ZNF804B: variants seen among roughly 807,000 people sequenced by gnomAD.
ZNF804B encodes the protein zinc finger 804B.
In ZNF804B, 80 loss-of-function variants were observed where a neutral mutation model predicts 101.4. The observed-to-expected ratio is 0.79, with a 90% confidence interval of 0.66 to 0.95. The LOEUF is 0.95. Among genes scored for constraint, ZNF804B ranks in the 40% least tolerant of loss-of-function variants. ZNF804B has a pLI of 0.00. For synonymous variants in ZNF804B, 622 were observed against 558.8 expected, an observed-to-expected ratio of 1.11 and a Z score of -1.59; for missense variants, 1,673 against 1,561.9, an observed-to-expected ratio of 1.07 and a Z score of -1.20.
intron 1 of ZNF804B, among the ~76,000 whole-genome samples, chr7:88,800,690 A>ATT (rs1790564307): frequency 1.0e-5 from 1 of 96,812 alleles, no homozygotes; most frequent in African/African-American, 4.4e-5. Flanking sequence ...AATAGATATG[A>ATT]TTTGTGTGTG....
At chr7:88,914,312 G>A (rs963177935) in intron 1 of ZNF804B, among the ~76,000 whole-genome samples, 4 of 152,100 alleles carry the variant, frequency 2.6e-5, no homozygotes, top group African/African-American at 9.7e-5. Flanking sequence ...TTAAGTTGCC[G>A]ATAGGGTCCA....
chr7:88,848,023 A>G (rs1450506363), intron 1 of ZNF804B, among the ~76,000 whole-genome samples: 4 of 152,302 alleles, frequency 2.6e-5, no homozygotes, highest in Admixed American at 6.5e-5. Context: ...ATGGTTTCCA[A>G]TCAGAAGTGA....
chr7:88,992,002 T>C (rs1411185624), intron 1 of ZNF804B, among the ~76,000 whole-genome samples: 1 of 152,162 alleles, frequency 6.6e-6, no homozygotes, highest in Non-Finnish European at 1.5e-5. Context: ...TCCACAATTC[T>C]CAGGTATCAT....
intron 1 of ZNF804B, among the ~76,000 whole-genome samples, chr7:89,003,332 C>A (rs952639178): frequency 6.6e-6 from 1 of 151,872 alleles, no homozygotes; most frequent in Non-Finnish European, 1.5e-5. Context: ...CAGAATAATA[C>A]ATTTAGTTGT....
At chr7:88,824,946 A>T (rs757466971) in intron 1 of ZNF804B, among the ~76,000 whole-genome samples, 1 of 152,318 alleles carries the variant, frequency 6.6e-6, no homozygotes, top group Non-Finnish European at 1.5e-5. Context: ...AATCTTAATC[A>T]TGTATAGCTA....
At chr7:88,970,288 C>T (rs1469142223) in intron 1 of ZNF804B, among the ~76,000 whole-genome samples, 3 of 151,452 alleles carry the variant, frequency 2.0e-5, no homozygotes, top group South Asian at 2.1e-4. Context: ...TTGCTGCACC[C>T]ATCAACCCAT....
intron 1 of ZNF804B, among the ~76,000 whole-genome samples, chr7:89,023,018 C>T (rs971168327): frequency 1.3e-5 from 2 of 152,074 alleles, no homozygotes. Flanking sequence ...TTAGCCTGAC[C>T]CATACTTCTG....
chr7:89,031,952 ATAT>A (rs1788842541), intron 1 of ZNF804B, among the ~76,000 whole-genome samples: 1 of 132,014 alleles, frequency 7.6e-6, no homozygotes, highest in Non-Finnish European at 1.7e-5. Flanking sequence ...AATGCTTATA[ATAT>A]TTGTGCAATA....
chr7:88,950,721 T>C (rs1793206072), intron 1 of ZNF804B, among the ~76,000 whole-genome samples: 1 of 151,934 alleles, frequency 6.6e-6, no homozygotes, highest in South Asian at 2.1e-4. Flanking sequence ...ATATTTGAAT[T>C]CTTACATTTG....
At chr7:89,242,819 A>G (rs925999065) in intron 2 of ZNF804B, among the ~76,000 whole-genome samples, 7 of 151,840 alleles carry the variant, frequency 4.6e-5, no homozygotes, top group Non-Finnish European at 1.0e-4. Flanking sequence ...GATCTTCTAA[A>G]TGTTGGAATA....
At chr7:89,183,861 A>C (rs1788337057) in intron 1 of ZNF804B, among the ~76,000 whole-genome samples, 1 of 152,144 alleles carries the variant, frequency 6.6e-6, no homozygotes, top group African/African-American at 2.4e-5. Context: ...GGGAGGCATG[A>C]GTCATTCAGA....
Position 89,336,351 on chromosome 7 carries a change from G to T in ZNF804B, c.3369G>T (p.Gln1123His). ...ACTCTTACTATGACAGAACTATGCAGAAACCTGACAAAGTCGAAGACGGAT... is the reference window on the plus strand; with the variant it reads ...ACTCTTACTATGACAGAACTATGCATAAACCTGACAAAGTCGAAGACGGAT... ...NINSYYDRTM[Q>H]KPDKVEDGLE... The change falls in exon 4 of 4, where the codon CAG (glutamine) becomes CAT (histidine). Residue 1123 changes from glutamine to histidine, a missense_variant. By Grantham distance (24) the Gln-to-His change is conservative (BLOSUM62 0). Transcript: ENST00000333190. 2 of 1,614,006 alleles carry T rather than the reference G, an allele frequency of 1.2e-6. No homozygotes were observed. Among genetic ancestry groups the T allele is most frequent in the Non-Finnish European group, 1.7e-6 (2 of 1,180,004 alleles).
chr7:88,864,164 G>T (rs1023778555), intron 1 of ZNF804B, among the ~76,000 whole-genome samples: 13 of 152,178 alleles, frequency 8.5e-5, no homozygotes, highest in African/African-American at 3.1e-4. Flanking sequence ...GTATTTGTTT[G>T]TTTTTATACC....
intron 1 of ZNF804B, among the ~76,000 whole-genome samples, chr7:89,208,967 G>A (rs567551160): frequency 2.0e-5 from 3 of 151,986 alleles, no homozygotes; most frequent in East Asian, 3.9e-4. Flanking sequence ...AGCTGAGATC[G>A]CGCCACTGCA....
At chr7:88,781,912 G>A (rs1311134454) in intron 1 of ZNF804B, among the ~76,000 whole-genome samples, 1 of 152,108 alleles carries the variant, frequency 6.6e-6, no homozygotes, top group African/African-American at 2.4e-5. Flanking sequence ...GAGGACTCAG[G>A]GGTAGAAAAT....
intron 1 of ZNF804B, among the ~76,000 whole-genome samples, chr7:88,882,561 C>A (rs2115910467): frequency 6.6e-6 from 1 of 152,198 alleles, no homozygotes; most frequent in East Asian, 1.9e-4. Flanking sequence ...TACGAAGAAA[C>A]AACATGCACT....
chr7:89,282,963 T>G (rs1054072397), intron 2 of ZNF804B, among the ~76,000 whole-genome samples: 1 of 152,150 alleles, frequency 6.6e-6, no homozygotes, highest in African/African-American at 2.4e-5. Flanking sequence ...ATTTCTGTTG[T>G]TTTAAGCTAC....
intron 2 of ZNF804B, among the ~76,000 whole-genome samples, chr7:89,273,113 C>T (rs1237977013): frequency 6.6e-6 from 1 of 151,968 alleles, no homozygotes; most frequent in Non-Finnish European, 1.5e-5. Context: ...TATAACAAAC[C>T]TAAGCACTAT....
chr7:88,998,898 G>A (rs2116167658), intron 1 of ZNF804B, among the ~76,000 whole-genome samples: 1 of 152,066 alleles, frequency 6.6e-6, no homozygotes, highest in East Asian at 1.9e-4. Context: ...GTAAAATAGG[G>A]CAAAAGGCTT....
Sources: gnomAD v4.1 joint callset for allele counts (sites outside exome capture counted in the v4.1 genomes callset) on GRCh38, gnomAD v4.1.1 for gene constraint, MANE v1.5 for transcripts, NCBI Gene and HGNC (gene_info 2026-07-23, HGNC 2026-07-21) for gene names.